Variants in NMNAT1 observed in about 807,000 individuals in gnomAD.
The protein encoded by NMNAT1 is nicotinamide/nicotinic acid mononucleotide adenylyltransferase 1.
A neutral mutation model predicts 16.7 loss-of-function variants in NMNAT1; 11 were observed. The ratio of observed to expected loss-of-function variants is 0.66; its 90% CI spans 0.41 to 1.09. The LOEUF (loss-of-function observed/expected upper bound fraction) is 1.09. NMNAT1 is among the 50% of genes least tolerant of loss of function. NMNAT1 has a pLI of 0.00. For missense variants in NMNAT1, 280 were observed against 332.3 expected (o/e 0.84, Z 1.22); for synonymous variants, 110 against 119.8 (o/e 0.92, Z 0.53).
the NMNAT1 span, among the ~76,000 whole-genome samples, chr1:9,994,615 AT>A: frequency 0.93 from 114,364 of 123,102 alleles, 53,128 homozygotes; most frequent in East Asian, 0.99. Context: ...TATTTTTTGT[AT>A]TTTTTTTTTT....
intron 1 of NMNAT1, among the ~76,000 whole-genome samples, chr1:9,945,231 TA>T (rs1177458981): frequency 6.6e-6 from 1 of 151,384 alleles, no homozygotes. Flanking sequence ...AACTCCGTCT[TA>T]AAAAAACAAA....
At chr1:9,969,749 T>A (rs907748357) in intron 1 of NMNAT1, among the ~76,000 whole-genome samples, 7 of 151,954 alleles carry the variant, frequency 4.6e-5, no homozygotes, top group Non-Finnish European at 1.0e-4. Flanking sequence ...AGACTCTGTC[T>A]CAAAAAAATA....
intron 1 of NMNAT1, among the ~76,000 whole-genome samples, chr1:9,967,737 A>G (rs1641582279): frequency 6.6e-6 from 1 of 152,236 alleles, no homozygotes; most frequent in East Asian, 1.9e-4. Context: ...GAATTGGCCA[A>G]AGTGGACAGG....
At chr1:9,944,155 GA>G (rs1378008971) in intron 1 of NMNAT1, among the ~76,000 whole-genome samples, 1 of 152,166 alleles carries the variant, frequency 6.6e-6, no homozygotes, top group Non-Finnish European at 1.5e-5. Context: ...TCGGGAGGCT[GA>G]GGCAGGAGAA....
intron 1 of NMNAT1, chr1:9,947,473 A>C (rs1188852298): frequency 1.3e-5 from 2 of 152,314 alleles, no homozygotes; most frequent in Non-Finnish European, 2.9e-5. Flanking sequence ...GAGAACGACC[A>C]TCCCCAATAG....
downstream of NMNAT1, among the ~76,000 whole-genome samples, chr1:9,988,060 C>T (rs139776264): frequency 1.0e-3 from 154 of 152,114 alleles, 2 homozygotes; most frequent in East Asian, 0.026. Context: ...TGCAGTGGCA[C>T]GATCTCAGCT....
intron 1 of NMNAT1, among the ~76,000 whole-genome samples, chr1:9,962,677 G>GT (rs34747915): frequency 0.64 from 47,375 of 74,534 alleles, 17,482 homozygotes; most frequent in Non-Finnish European, 0.76. Flanking sequence ...CCAAATAAGG[G>GT]TTTTTTTTTT....
rs778791137 is a variant in NMNAT1 at position 9,985,391 on chromosome 1, C to T, written c.*2690C>T. ...AAGCTTTGTCTTCAGAGCCAGTACC[C>T]CTAATCTCTCTTTCTGTAAAATATT... is the stretch of plus-strand genomic sequence containing the variant. On this transcript the variant is annotated 3_prime_UTR_variant, in exon 5 of 5. Coordinates refer to ENST00000377205, the MANE Select transcript of NMNAT1 (RefSeq NM_022787.4). 9.9e-5 allele frequency: 15 copies of T among 152,080 alleles called. No homozygotes were observed. The highest frequency in any genetic ancestry group is 1.6e-4 in the Non-Finnish European group (11 of 68,024). 9.4% of individuals were successfully genotyped at this position (152,080 alleles called of 1,614,324 possible).
downstream of NMNAT1, among the ~76,000 whole-genome samples, chr1:9,987,367 G>T (rs964262231): frequency 2.0e-5 from 3 of 151,908 alleles, no homozygotes; most frequent in African/African-American, 4.8e-5. Context: ...GCAGCAGGGC[G>T]CAGTGGCTCA....
chr1:9,954,335 A>C (rs1186298275), intron 1 of NMNAT1, among the ~76,000 whole-genome samples: 1 of 151,454 alleles, frequency 6.6e-6, no homozygotes, highest in Non-Finnish European at 1.5e-5. Context: ...TCAACCTCCC[A>C]AGTAGCAGGG....
intron 1 of NMNAT1, among the ~76,000 whole-genome samples, chr1:9,967,908 G>A (rs1416120841): frequency 3.9e-5 from 6 of 151,908 alleles, no homozygotes; most frequent in Non-Finnish European, 5.9e-5. Context: ...CCTGGGAGAT[G>A]GAGGTTGCAG....
In NMNAT1 at chr1:9,982,559, G is replaced by T. The variant is rs1641972826; in HGVS notation, c.698G>T (p.Gly233Val). The T allele has an allele frequency of 6.2e-7, 1 of 1,614,142 alleles. No homozygotes were observed. The highest frequency in any genetic ancestry group is 8.5e-7 in the Non-Finnish European group (1 of 1,180,048). The part of the protein sequence containing the change: ...STKIRRALRR[G>V]QSIRYLVPDL... Reference sequence around the variant, plus strand: ...AAAATCCGGAGAGCCCTCAGAAGGGGCCAGAGCATTCGCTACTTGGTACCA... The same window carrying T: ...AAAATCCGGAGAGCCCTCAGAAGGGTCCAGAGCATTCGCTACTTGGTACCA... Residue 233 changes from glycine to valine, a missense_variant, in exon 5 of 5, where the codon GGC becomes GTC. Gly to Val is a moderately radical substitution (Grantham distance 109, BLOSUM62 -3). Coordinates refer to ENST00000377205, the MANE Select transcript of NMNAT1 (RefSeq NM_022787.4).
At chr1:9,990,479 C>T (rs1410237444), downstream of NMNAT1, among the ~76,000 whole-genome samples, 17 of 152,192 alleles carry the variant, frequency 1.1e-4, no homozygotes, top group Admixed American at 1.0e-3. Context: ...CTGGCTGATT[C>T]AGTCATTTAA....
At chr1:9,979,140 G>T (rs1353975062) in intron 3 of NMNAT1, among the ~76,000 whole-genome samples, 1 of 152,188 alleles carries the variant, frequency 6.6e-6, no homozygotes, top group Non-Finnish European at 1.5e-5. Context: ...GAAACTAGCT[G>T]CAAGGTGGCA....
intron 1 of NMNAT1, among the ~76,000 whole-genome samples, chr1:9,954,486 G>C (rs1382046851): frequency 1.3e-5 from 2 of 152,234 alleles, no homozygotes; most frequent in African/African-American, 4.8e-5. Flanking sequence ...TGGGGTTACA[G>C]GCATGAGCCA....
At position 9,975,610 on chromosome 1, in the gene NMNAT1, A is replaced by G; in HGVS notation, c.134A>G (p.Lys45Arg). 6.2e-7 allele frequency: 1 copy of G among 1,612,282 alleles called. No individual in the cohort carries two copies. ...MNGTGRYTVV[K>R]GIISPVGDAY... Reference sequence around the variant, plus strand: ...TATCTAGGAAGGTACACAGTTGTCAAAGGCATCATCTCTCCTGTTGGTGAT... The same window carrying G: ...TATCTAGGAAGGTACACAGTTGTCAGAGGCATCATCTCTCCTGTTGGTGAT... Residue 45 changes from lysine (K) to arginine (R), a missense_variant, in exon 3 of 5, where the codon AAA becomes AGA. Lys to Arg is a conservative substitution (Grantham distance 26). Coordinates refer to ENST00000377205, the MANE Select transcript of NMNAT1 (RefSeq NM_022787.4).
At chr1:9,953,752 T>A (rs1641176383) in intron 1 of NMNAT1, among the ~76,000 whole-genome samples, 1 of 140,170 alleles carries the variant, frequency 7.1e-6, no homozygotes, top group South Asian at 2.4e-4. Flanking sequence ...TATTTTTTCA[T>A]TTTAAAAAAT....
chr1:9,981,057 G>T lies in NMNAT1; in HGVS notation c.326G>T (p.Ser109Ile), dbSNP rs1641936566. The T allele has an allele frequency of 6.2e-7, 1 of 1,610,474 alleles. No individual in the cohort carries two copies. The highest frequency in any genetic ancestry group is 1.3e-5 in the African/African-American group (1 of 74,692). The change falls in exon 4 of 5, where the codon AGT becomes ATT. Residue 109 changes from serine (S) to isoleucine (I), a missense_variant. Transcript: ENST00000377205. The part of the protein sequence containing the change: ...LRHHQEKLEA[S>I]DCDHQQNSPT... The stretch of plus-strand genomic sequence containing the variant: ...CACCATCAAGAGAAATTGGAGGCTA[G>T]TGACTGTGATCACCAGCAGAACTCA...
chr1:9,984,725 A>G lies in NMNAT1; in HGVS notation c.*2024A>G, dbSNP rs1642016589. ...GTACCCTTTACCCCTTACATTGTGTAATTTGAAAGTGGCAAACAAACCTGC... is the reference window on the plus strand; with the variant it reads ...GTACCCTTTACCCCTTACATTGTGTGATTTGAAAGTGGCAAACAAACCTGC... On this transcript the variant is annotated 3_prime_UTR_variant, in exon 5 of 5. Coordinates refer to ENST00000377205, the MANE Select transcript of NMNAT1 (RefSeq NM_022787.4). 6.6e-6 allele frequency: 1 copy of G among 152,120 alleles called. No individual in the cohort carries two copies. Among genetic ancestry groups the G allele is most frequent in the Admixed American group, 6.6e-5 (1 of 15,252 alleles). 9.4% of individuals were successfully genotyped at this position (152,120 alleles called of 1,614,324 possible).
Sources: gnomAD v4.1 joint callset for allele counts (sites outside exome capture counted in the v4.1 genomes callset) on GRCh38, gnomAD v4.1.1 for gene constraint, MANE v1.5 for transcripts, NCBI Gene and HGNC (gene_info 2026-07-23, HGNC 2026-07-21) for gene names.